Variants in GRID2 observed in about 807,000 individuals in gnomAD.
GRID2 encodes glutamate receptor ionotropic, delta-2.
In GRID2, 33 loss-of-function variants were observed where a neutral mutation model predicts 114.8. That is an observed-to-expected ratio of 0.29 (90% CI 0.22 to 0.38). The LOEUF (loss-of-function observed/expected upper bound fraction) is 0.38, where lower values mean the gene tolerates loss of function less well. GRID2 is among the 10% of genes least tolerant of loss of function. The pLI, the probability that GRID2 is intolerant of heterozygous loss-of-function variation, is 1.00. For synonymous variants in GRID2, 505 were observed against 449.9 expected (o/e 1.12, Z -1.55); for missense variants, 1,184 against 1,257.7 (o/e 0.94, Z 0.89).
At chr4:93,624,789 C>T (rs1250677787) in intron 13 of GRID2, among the ~76,000 whole-genome samples, 1 of 151,794 alleles carries the variant, frequency 6.6e-6, no homozygotes, top group Non-Finnish European at 1.5e-5. Context: ...TGAAAATATA[C>T]CTTATTGAGA....
At chr4:93,791,188 G>A (rs899236714) in intron 1 of GRID2, among the ~76,000 whole-genome samples, 3 of 152,010 alleles carry the variant, frequency 2.0e-5, no homozygotes, top group African/African-American at 4.8e-5. Context: ...GTGCAATCTT[G>A]TAAACCTGCA....
At chr4:93,028,331 G>A (rs1193822907) in intron 2 of GRID2, among the ~76,000 whole-genome samples, 2 of 152,086 alleles carry the variant, frequency 1.3e-5, no homozygotes, top group African/African-American at 2.4e-5. Flanking sequence ...AGCCTTTAGA[G>A]GGGGTGGGGA....
intron 14 of GRID2, among the ~76,000 whole-genome samples, chr4:93,633,445 G>A (rs1025504971): frequency 6.6e-6 from 1 of 151,956 alleles, no homozygotes; most frequent in Admixed American, 6.6e-5. Context: ...TGAGCTCCTT[G>A]AGTTCACACG....
intron 2 of GRID2, among the ~76,000 whole-genome samples, chr4:92,783,328 A>G (rs1310918173): frequency 6.6e-6 from 1 of 152,218 alleles, no homozygotes; most frequent in East Asian, 1.9e-4. Flanking sequence ...TTACAGTTAG[A>G]AGTGTAGATT....
At chr4:93,380,505 A>T (rs1032648129) in intron 8 of GRID2, among the ~76,000 whole-genome samples, 1 of 151,350 alleles carries the variant, frequency 6.6e-6, no homozygotes, top group African/African-American at 2.4e-5. Flanking sequence ...AAGCATAGAT[A>T]ATTTTCAATT....
chr4:93,018,923 A>G (rs948267757), intron 2 of GRID2, among the ~76,000 whole-genome samples: 2 of 152,140 alleles, frequency 1.3e-5, no homozygotes, highest in African/African-American at 4.8e-5. Context: ...CCTACTCAGA[A>G]GTGGAAATAA....
At chr4:92,653,670 T>C (rs904411786) in intron 2 of GRID2, among the ~76,000 whole-genome samples, 3 of 152,230 alleles carry the variant, frequency 2.0e-5, no homozygotes, top group African/African-American at 4.8e-5. Flanking sequence ...TATGCTGTAC[T>C]TGCTGGATGT....
At chr4:92,424,079 A>T (rs1214215768) in intron 1 of GRID2, among the ~76,000 whole-genome samples, 2 of 152,070 alleles carry the variant, frequency 1.3e-5, no homozygotes, top group Non-Finnish European at 2.9e-5. Context: ...TTGTGACATT[A>T]TGTTACTGAA....
At chr4:92,939,425 T>C (rs1431756381) in intron 2 of GRID2, among the ~76,000 whole-genome samples, 1 of 147,468 alleles carries the variant, frequency 6.8e-6, no homozygotes, top group Non-Finnish European at 1.5e-5. Context: ...TGTTTTTTTC[T>C]TGTAAATTTG....
intron 2 of GRID2, among the ~76,000 whole-genome samples, chr4:92,598,891 A>C (rs1391997988): frequency 6.6e-6 from 1 of 151,972 alleles, no homozygotes; most frequent in African/African-American, 2.4e-5. Flanking sequence ...TAGTACTTTT[A>C]TTAGTGGTTC....
intron 12 of GRID2, among the ~76,000 whole-genome samples, chr4:93,501,475 A>G (rs1031641351): frequency 6.6e-6 from 1 of 152,086 alleles, no homozygotes; most frequent in African/African-American, 2.4e-5. Flanking sequence ...GCAGAGGAAG[A>G]CATTCATCTC....
At chr4:92,604,268 G>A (rs1048452014) in intron 2 of GRID2, among the ~76,000 whole-genome samples, 2 of 152,066 alleles carry the variant, frequency 1.3e-5, no homozygotes, top group Non-Finnish European at 2.9e-5. Flanking sequence ...ATTCACAATA[G>A]CAAAGACATA....
In GRID2 at chr4:93,297,878, T is replaced by G. The variant is rs1754481436; in HGVS notation, c.1245+59388T>G. Among the ~76,000 whole-genome samples, 2 of 152,330 alleles carry G rather than the reference T, an allele frequency of 1.3e-5. 1 individual carries two copies. The highest frequency in any genetic ancestry group is 4.1e-4 in the South Asian group (2 of 4,832). On this transcript the variant is annotated intron_variant, in intron 8 of 15. Coordinates refer to ENST00000282020, the MANE Select transcript of GRID2 (RefSeq NM_001510.4). ...CTTAAAATTCACTTAGGAAATCAGA[T>G]GGAGCATACATAGGAAGTATATAAC...
At chr4:92,336,220 C>A (rs1727156450) in intron 1 of GRID2, among the ~76,000 whole-genome samples, 1 of 152,120 alleles carries the variant, frequency 6.6e-6, no homozygotes, top group African/African-American at 2.4e-5. Flanking sequence ...ATATTTAGAA[C>A]TGATATCCTT....
At chr4:93,565,054 T>C (rs553714047) in intron 13 of GRID2, among the ~76,000 whole-genome samples, 3 of 152,102 alleles carry the variant, frequency 2.0e-5, no homozygotes, top group Non-Finnish European at 4.4e-5. Flanking sequence ...ACATATCTAG[T>C]TGCAATTGAA....
intron 8 of GRID2, among the ~76,000 whole-genome samples, chr4:93,361,467 GATTATT>G (rs149947795): frequency 8.3e-4 from 123 of 147,632 alleles, no homozygotes; most frequent in African/African-American, 1.4e-3. Context: ...ATGTTACTGT[GATTATT>G]ATTATTATTA....
chr4:93,230,106 A>G (rs1201997954), intron 7 of GRID2, among the ~76,000 whole-genome samples: 2 of 151,560 alleles, frequency 1.3e-5, no homozygotes, highest in African/African-American at 4.8e-5. Context: ...ACATATTTTC[A>G]TTCTATTTAT....
At chr4:92,955,765 CTT>C (rs1752358815) in intron 2 of GRID2, among the ~76,000 whole-genome samples, 2 of 152,200 alleles carry the variant, frequency 1.3e-5, no homozygotes, top group South Asian at 4.1e-4. Flanking sequence ...ACGTTTAAGT[CTT>C]TAATCCATTT....
At chr4:92,912,372 G>T (rs2149492156) in intron 2 of GRID2, among the ~76,000 whole-genome samples, 1 of 151,910 alleles carries the variant, frequency 6.6e-6, no homozygotes, top group African/African-American at 2.4e-5. Context: ...TATTACATTA[G>T]AGATAGGTAG....
Sources: allele counts gnomAD v4.1 joint callset (sites outside exome capture counted in the v4.1 genomes callset), GRCh38; gene constraint gnomAD v4.1.1; transcripts MANE v1.5; gene names NCBI Gene and HGNC (gene_info 2026-07-23, HGNC 2026-07-21).